The following UTRN variants were observed in gnomAD, a reference collection of about 807,000 sequenced individuals.
UTRN encodes dystrophin-related protein 1.
A neutral mutation model predicts 463.9 loss-of-function variants in UTRN; 283 were observed. The observed-to-expected ratio is 0.61, with a 90% CI of 0.55 to 0.67. UTRN has a LOEUF of 0.67. UTRN is among the 30% of genes least tolerant of loss of function. The probability of loss-of-function intolerance (pLI) is 0.00; values close to 1 mark genes in which losing one functional copy is unlikely to be tolerated. For missense variants in UTRN, 3,922 were observed against 4,084.3 expected (o/e 0.96, Z 1.08); for synonymous variants, 1,442 against 1,431.5 (o/e 1.01, Z -0.17).
chr6:144,584,197 G>C (rs1205988737), intron 51 of UTRN, among the ~76,000 whole-genome samples: 1 of 152,148 alleles, frequency 6.6e-6, no homozygotes. Context: ...GAGACAACTT[G>C]TTTGACAGTT....
intron 23 of UTRN, among the ~76,000 whole-genome samples, chr6:144,466,620 T>G (rs1410773063): frequency 6.6e-6 from 1 of 152,242 alleles, no homozygotes; most frequent in African/African-American, 2.4e-5. Context: ...GTATTTCTTT[T>G]TTCCATTATT....
chr6:144,466,048 T>C (rs758474500), intron 23 of UTRN, among the ~76,000 whole-genome samples: 3 of 152,228 alleles, frequency 2.0e-5, no homozygotes, highest in Admixed American at 6.5e-5. Context: ...GGGCAGCTAA[T>C]ATTAACAGTG....
intron 58 of UTRN, among the ~76,000 whole-genome samples, chr6:144,769,854 AT>A (rs938136618): frequency 2.6e-4 from 40 of 152,188 alleles, no homozygotes; most frequent in African/African-American, 9.2e-4. Flanking sequence ...CCTTACTGGA[AT>A]TGCATTACCT....
In UTRN at chr6:144,789,202, C is replaced by T; in HGVS notation, c.8843C>T (p.Thr2948Ile). 8 of 1,612,754 alleles carry T rather than the reference C, an allele frequency of 5.0e-6. No individual in the cohort carries two copies. The highest frequency in any genetic ancestry group is 6.8e-6 in the Non-Finnish European group (8 of 1,179,464). Residue 2948 changes from threonine (T) to isoleucine (I), a missense_variant, in exon 62 of 75, where the codon ACT (threonine) becomes ATT (isoleucine). Transcript: ENST00000367545. ...CATTCTTATAATTTTAGGGGTCGAACTGGAAAAATTAGAGTGCAGAGTCTG... is the reference window on the plus strand; with the variant it reads ...CATTCTTATAATTTTAGGGGTCGAATTGGAAAAATTAGAGTGCAGAGTCTG... ...WLLNVYDTGR[T>I]GKIRVQSLKI...
chr6:144,814,723 A>G (rs1010281877), intron 65 of UTRN, among the ~76,000 whole-genome samples: 1 of 152,206 alleles, frequency 6.6e-6, no homozygotes, highest in Non-Finnish European at 1.5e-5. Context: ...TTCACTAATC[A>G]TGTGGGTGGT....
At chr6:144,417,249 C>T (rs535173141) in intron 3 of UTRN, among the ~76,000 whole-genome samples, 1 of 152,298 alleles carries the variant, frequency 6.6e-6, no homozygotes, top group South Asian at 2.1e-4. Context: ...ATATCCCAGT[C>T]CAGTGATGAA....
At chr6:144,292,015 T>A in intron 2 of UTRN, 108 bp downstream of exon 2, 1 of 1,078,968 alleles carries the variant, frequency 9.3e-7, no homozygotes, top group Non-Finnish European at 1.3e-6. Flanking sequence ...GAGGTGAAGT[T>A]CTTTTAAGAA....
chr6:144,719,324 A>T (rs1786841764), intron 53 of UTRN, among the ~76,000 whole-genome samples: 1 of 152,202 alleles, frequency 6.6e-6, no homozygotes, highest in African/African-American at 2.4e-5. Context: ...CATGCCTGTG[A>T]TCATAGCACT....
At chr6:144,589,754 C>T (rs1277610489) in intron 51 of UTRN, among the ~76,000 whole-genome samples, 3 of 152,008 alleles carry the variant, frequency 2.0e-5, no homozygotes, top group Admixed American at 6.6e-5. Context: ...ACATGGAATT[C>T]TGGAGAATGA....
intron 61 of UTRN, 111 bp downstream of exon 61, chr6:144,782,234 C>T: frequency 1.1e-6 from 1 of 903,898 alleles, no homozygotes; most frequent in Non-Finnish European, 1.6e-6. Flanking sequence ...ATTACTTTCC[C>T]AGTGGAAATA....
At chr6:144,559,892 G>A (rs1307859215) in intron 50 of UTRN, among the ~76,000 whole-genome samples, 1 of 152,144 alleles carries the variant, frequency 6.6e-6, no homozygotes. Context: ...TCAAAGTCAT[G>A]CAACACAGTC....
intron 50 of UTRN, among the ~76,000 whole-genome samples, chr6:144,559,004 C>G (rs1260582619): frequency 6.6e-6 from 1 of 152,022 alleles, no homozygotes; most frequent in Non-Finnish European, 1.5e-5. Context: ...TCCAAAAATT[C>G]CATGTATAAG....
At chr6:144,543,248 T>C (rs1798132504) in intron 46 of UTRN, among the ~76,000 whole-genome samples, 1 of 152,214 alleles carries the variant, frequency 6.6e-6, no homozygotes, top group African/African-American at 2.4e-5. Flanking sequence ...TTGGTTAACA[T>C]ATGTAATTAG....
chr6:144,651,919 G>T (rs1490249408), intron 51 of UTRN, among the ~76,000 whole-genome samples: 4 of 152,018 alleles, frequency 2.6e-5, no homozygotes, highest in African/African-American at 9.7e-5. Context: ...CCCATCACCT[G>T]AGCAGTGTAC....
intron 71 of UTRN, among the ~76,000 whole-genome samples, chr6:144,838,760 A>G (rs1483820885): frequency 6.6e-6 from 1 of 152,220 alleles, no homozygotes; most frequent in African/African-American, 2.4e-5. Flanking sequence ...AGGCAATCTG[A>G]ATCCATAATC....
intron 53 of UTRN, among the ~76,000 whole-genome samples, chr6:144,724,664 A>C (rs556885561): frequency 2.0e-5 from 3 of 152,094 alleles, no homozygotes; most frequent in African/African-American, 7.2e-5. Context: ...TGTTTGGGAC[A>C]TTGCATGGTA....
chr6:144,523,025 G>C lies in UTRN; in HGVS notation c.5743G>C (p.Asp1915His), dbSNP rs1276459190. ...GACAATATATTTTTAGAATATCAAA[G>C]ACCAACTGGACAAACTTGGAGAGCA... ...FQEDSLKNIK[D>H]QLDKLGEQIA... The change falls in exon 41 of 75, where the codon GAC (aspartate) becomes CAC (histidine). Residue 1915 changes from aspartate to histidine, a missense_variant. This residue lies in a region of UTRN where 2,349 missense variants were observed against 2,303.8 expected (regional missense o/e 1.02). Transcript: ENST00000367545. 1 of 1,593,928 alleles carries C rather than the reference G, an allele frequency of 6.3e-7. No individual in the cohort carries two copies. Among genetic ancestry groups the C allele is most frequent in the Non-Finnish European group, 8.5e-7 (1 of 1,172,458 alleles).
In UTRN at chr6:144,682,180, CCTT is replaced by C. The variant is rs1400901511; in HGVS notation, c.7652+3605_7652+3607del. On this transcript the variant is annotated intron_variant, in intron 52 of 74. Coordinates refer to ENST00000367545, the MANE Select transcript of UTRN (RefSeq NM_007124.3). Reference sequence around the variant, plus strand: ...ACCCTTCCCAGCCTCTGGTAACCATCCTTCTACTCTATCTCCATGAGTTCAATT... The same window carrying C: ...ACCCTTCCCAGCCTCTGGTAACCATCCTACTCTATCTCCATGAGTTCAATT... Among the ~76,000 whole-genome samples, 4 of 152,118 alleles carry C rather than the reference CCTT, an allele frequency of 2.6e-5. No homozygotes were observed. In the East Asian group the frequency reaches 7.7e-4, roughly 29 times the overall value.
At chr6:144,355,283 C>G in intron 2 of UTRN, among the ~76,000 whole-genome samples, 1 of 152,130 alleles carries the variant, frequency 6.6e-6, no homozygotes, top group Non-Finnish European at 1.5e-5. Flanking sequence ...TCTCGGCTCA[C>G]TGCAACCTGG....
Sources: gnomAD v4.1 joint callset for allele counts (sites outside exome capture counted in the v4.1 genomes callset) on GRCh38, gnomAD v4.1.1 for gene constraint, gnomAD v4.1.1 regional missense constraint, MANE v1.5 for transcripts, NCBI Gene and HGNC (gene_info 2026-07-23, HGNC 2026-07-21) for gene names.